PDE3B: variants seen among roughly 807,000 people sequenced by gnomAD.
The protein encoded by PDE3B is cGMP-inhibited 3',5'-cyclic phosphodiesterase 3B.
PDE3B carries 66 observed loss-of-function variants against 116.8 expected under a neutral mutation model. The ratio of observed to expected loss-of-function variants is 0.56; its 90% CI spans 0.46 to 0.69. The LOEUF (loss-of-function observed/expected upper bound fraction) is 0.69. PDE3B is among the 30% of genes least tolerant of loss of function. The pLI, the probability that PDE3B is intolerant of heterozygous loss-of-function variation, is 0.00. For missense variants in PDE3B, 1,384 were observed against 1,368.1 expected (o/e 1.01, Z -0.18); for synonymous variants, 595 against 533.6 (o/e 1.12, Z -1.59).
rs552739822 is a variant in PDE3B, at chr11:14,862,224, A to C, written c.2886+858A>C. Among the ~76,000 whole-genome samples, 3 of 152,186 alleles carry C rather than the reference A, an allele frequency of 2.0e-5. No individual in the cohort carries two copies. The East Asian group carries it at 5.8e-4, about 29-fold the overall frequency. Reference sequence around the variant, plus strand: ...CAGCTTAACCTATCACCTGATGGTCACCTGACATTTCTGATGGGGTTGGGG... The same window carrying C: ...CAGCTTAACCTATCACCTGATGGTCCCCTGACATTTCTGATGGGGTTGGGG... On this transcript the variant is annotated intron_variant, in intron 14 of 15. Transcript: ENST00000282096.
At chr11:14,892,257 C>A in the PDE3B span, 1 of 1,530,742 alleles carries the variant, frequency 6.5e-7, no homozygotes, top group South Asian at 1.2e-5. Flanking sequence ...CCCAGGCACT[C>A]CCTCCAGCCC....
chr11:14,789,333 A>G (rs1375732220), intron 4 of PDE3B, 91 bp downstream of exon 4: 1 of 992,672 alleles, frequency 1.0e-6, no homozygotes, highest in Non-Finnish European at 1.5e-6. Context: ...GGAAGCAGAA[A>G]GGAATGGTTG....
intron 1 of PDE3B, among the ~76,000 whole-genome samples, chr11:14,741,121 T>G (rs1156552009): frequency 6.6e-6 from 1 of 152,124 alleles, no homozygotes; most frequent in East Asian, 1.9e-4. Context: ...TTAGGTCTGC[T>G]TGGTCCAGAG....
chr11:14,861,584 T>C (rs1555007180), intron 14 of PDE3B, among the ~76,000 whole-genome samples: 1 of 152,198 alleles, frequency 6.6e-6, no homozygotes, highest in Admixed American at 6.5e-5. Flanking sequence ...CTATCTTGAC[T>C]GAGCTGAATA....
intron 11 of PDE3B, among the ~76,000 whole-genome samples, chr11:14,841,092 A>C (rs1300498118): frequency 2.6e-5 from 4 of 152,060 alleles, no homozygotes; most frequent in African/African-American, 9.7e-5. Context: ...CTTTAAGTAA[A>C]GCAGATAACC....
intron 12 of PDE3B, among the ~76,000 whole-genome samples, chr11:14,855,348 T>TA (rs1164780239): frequency 3.8e-4 from 56 of 146,414 alleles, no homozygotes; most frequent in East Asian, 1.4e-3. Context: ...AGATTTTGTT[T>TA]AAAAAAAAAA....
At chr11:14,661,510 C>T (rs1390622437) in intron 1 of PDE3B, among the ~76,000 whole-genome samples, 4 of 152,226 alleles carry the variant, frequency 2.6e-5, no homozygotes, top group African/African-American at 9.6e-5. Flanking sequence ...GAGGCATTGC[C>T]TCACTCGGGA....
At chr11:14,816,971 TA>T (rs1859351982) in intron 5 of PDE3B, among the ~76,000 whole-genome samples, 1 of 152,214 alleles carries the variant, frequency 6.6e-6, no homozygotes, top group Non-Finnish European at 1.5e-5. Flanking sequence ...CATGCTGCTG[TA>T]AAGACACATG....
At chr11:14,646,017 ATG>A (rs1565070672) in intron 1 of PDE3B, among the ~76,000 whole-genome samples, 1 of 152,192 alleles carries the variant, frequency 6.6e-6, no homozygotes, top group African/African-American at 2.4e-5. Flanking sequence ...ACAGCTTCAC[ATG>A]TCTAGTTAAG....
chr11:14,713,126 T>G (rs944947890), intron 1 of PDE3B, among the ~76,000 whole-genome samples: 6 of 152,234 alleles, frequency 3.9e-5, no homozygotes, highest in African/African-American at 1.4e-4. Flanking sequence ...CAATACATTC[T>G]GATAGAGTGT....
chr11:14,649,953 C>G (rs1425495478), intron 1 of PDE3B, among the ~76,000 whole-genome samples: 1 of 152,156 alleles, frequency 6.6e-6, no homozygotes, highest in Non-Finnish European at 1.5e-5. Flanking sequence ...ATAACATTGA[C>G]TTGTTGTTCA....
intron 2 of PDE3B, among the ~76,000 whole-genome samples, chr11:14,778,103 C>T (rs1857845633): frequency 6.6e-6 from 1 of 152,172 alleles, no homozygotes; most frequent in Admixed American, 6.5e-5. Flanking sequence ...TGCAAAGCAG[C>T]AGCGAGGCTG....
At chr11:14,656,250 A>G (rs527630123) in intron 1 of PDE3B, among the ~76,000 whole-genome samples, 1 of 152,322 alleles carries the variant, frequency 6.6e-6, no homozygotes, top group African/African-American at 2.4e-5. Context: ...ACTATTGATT[A>G]ATGCATGTTC....
intron 1 of PDE3B, among the ~76,000 whole-genome samples, chr11:14,740,196 C>T (rs1856722267): frequency 6.6e-6 from 1 of 152,080 alleles, no homozygotes; most frequent in African/African-American, 2.4e-5. Context: ...ATCTTTGTAT[C>T]TCTGGTAGAA....
At chr11:14,896,948 C>G in the PDE3B span, among the ~76,000 whole-genome samples, 2 of 152,148 alleles carry the variant, frequency 1.3e-5, no homozygotes, top group African/African-American at 4.8e-5. Flanking sequence ...CTGGAGACAT[C>G]TGACAATCTG....
chr11:14,815,084 C>T (rs1859280509), intron 5 of PDE3B, among the ~76,000 whole-genome samples: 1 of 150,970 alleles, frequency 6.6e-6, no homozygotes, highest in Admixed American at 6.6e-5. Flanking sequence ...CTGCAGTGAG[C>T]CCAGAGTGCA....
intron 1 of PDE3B, among the ~76,000 whole-genome samples, chr11:14,739,828 G>T (rs894063414): frequency 6.6e-6 from 1 of 152,024 alleles, no homozygotes; most frequent in South Asian, 2.1e-4. Flanking sequence ...GTTGAATTTT[G>T]TCGAAGGCCT....
intron 4 of PDE3B, among the ~76,000 whole-genome samples, chr11:14,794,780 C>T (rs1180132615): frequency 6.6e-6 from 1 of 152,178 alleles, no homozygotes; most frequent in African/African-American, 2.4e-5. Flanking sequence ...TCCCACAGCC[C>T]CCTCCCTGGG....
At chr11:14,745,507 A>C (rs1856888243) in intron 1 of PDE3B, among the ~76,000 whole-genome samples, 1 of 152,180 alleles carries the variant, frequency 6.6e-6, no homozygotes, top group Non-Finnish European at 1.5e-5. Context: ...CTACATAAAA[A>C]AAACTATCAA....
Sources: gnomAD v4.1 joint callset for allele counts (sites outside exome capture counted in the v4.1 genomes callset) on GRCh38, gnomAD v4.1.1 for gene constraint, MANE v1.5 for transcripts, NCBI Gene and HGNC (gene_info 2026-07-23, HGNC 2026-07-21) for gene names.